Variants in LRRTM4 observed in about 807,000 individuals in gnomAD.
The protein encoded by LRRTM4 is leucine rich repeat transmembrane neuronal 4.
Under a neutral mutation model 47.6 loss-of-function variants are expected in LRRTM4, and 25 were observed. That is an observed-to-expected ratio of 0.53 (90% CI 0.38 to 0.73). The LOEUF (loss-of-function observed/expected upper bound fraction) is 0.73, where lower values mean the gene tolerates loss of function less well. Ranked by LOEUF, LRRTM4 falls within the 30% of genes least tolerant of loss-of-function variation. LRRTM4 has a pLI of 0.00. For missense variants in LRRTM4, 638 were observed against 713.4 expected, an observed-to-expected ratio of 0.89 and a Z score of 1.20; for synonymous variants, 311 against 269.5, an observed-to-expected ratio of 1.15 and a Z score of -1.51.
rs183872403 is a variant in LRRTM4, at chr2:77,235,056, A to G, written c.1551+283262T>C. Among the ~76,000 whole-genome samples, 6 of 152,224 alleles carry G rather than the reference A, an allele frequency of 3.9e-5. No individual in the cohort carries two copies. The East Asian group carries it at 9.7e-4, about 25-fold the overall frequency. On this transcript the variant is annotated intron_variant, in intron 3 of 3. Transcript: ENST00000409884. ...CTGCATCCATATTGCTGCAAAGGATATTATTTTGTTCTTTTACATGGCTGC... is the reference window on the plus strand; with the variant it reads ...CTGCATCCATATTGCTGCAAAGGATGTTATTTTGTTCTTTTACATGGCTGC...
chr2:77,431,000 G>A (rs1003666751), intron 3 of LRRTM4, among the ~76,000 whole-genome samples: 1 of 148,676 alleles, frequency 6.7e-6, no homozygotes, highest in Non-Finnish European at 1.5e-5. Context: ...CCGAACTCTA[G>A]GTTTTCTGGC....
intron 3 of LRRTM4, among the ~76,000 whole-genome samples, chr2:77,303,171 T>C (rs4853310): frequency 0.19 from 28,910 of 151,692 alleles, 3,040 homozygotes; most frequent in East Asian, 0.44. Flanking sequence ...GTCATCTGCT[T>C]AAAACCCGGT....
At chr2:77,043,934 A>T (rs569832092) in intron 3 of LRRTM4, among the ~76,000 whole-genome samples, 1 of 151,760 alleles carries the variant, frequency 6.6e-6, no homozygotes, top group African/African-American at 2.4e-5. Context: ...CCCACATACT[A>T]GAATAGCATA....
chr2:76,809,828 G>A (rs1670674231), intron 3 of LRRTM4, among the ~76,000 whole-genome samples: 1 of 152,100 alleles, frequency 6.6e-6, no homozygotes, highest in Admixed American at 6.6e-5. Context: ...TGGACATGCT[G>A]AGCTTGCTTT....
At chr2:77,216,976 G>A (rs1674461915) in intron 3 of LRRTM4, among the ~76,000 whole-genome samples, 1 of 151,788 alleles carries the variant, frequency 6.6e-6, no homozygotes, top group Non-Finnish European at 1.5e-5. Flanking sequence ...GGGAGGCTGA[G>A]GCAGGAGAAT....
intron 3 of LRRTM4, among the ~76,000 whole-genome samples, chr2:77,184,184 C>T (rs1673435536): frequency 6.6e-6 from 1 of 151,822 alleles, no homozygotes; most frequent in Non-Finnish European, 1.5e-5. Flanking sequence ...AATATTTCAA[C>T]AATATTTTTA....
intron 3 of LRRTM4, among the ~76,000 whole-genome samples, chr2:77,000,788 A>T (rs1677392244): frequency 6.6e-6 from 1 of 150,772 alleles, no homozygotes; most frequent in African/African-American, 2.4e-5. Context: ...CTGCTCTCTC[A>T]TCAGGAAGAT....
chr2:77,410,676 A>G (rs1187448318), intron 3 of LRRTM4, among the ~76,000 whole-genome samples: 1 of 152,168 alleles, frequency 6.6e-6, no homozygotes, highest in Non-Finnish European at 1.5e-5. Context: ...TTGGAAATCA[A>G]CACTATTTTC....
intron 3 of LRRTM4, among the ~76,000 whole-genome samples, chr2:77,495,311 G>A (rs907629754): frequency 6.6e-6 from 1 of 151,956 alleles, no homozygotes; most frequent in African/African-American, 2.4e-5. Context: ...TACTTGATCT[G>A]TCATTTTTAT....
intron 3 of LRRTM4, among the ~76,000 whole-genome samples, chr2:77,197,717 T>C (rs1330356576): frequency 1.3e-5 from 2 of 152,234 alleles, no homozygotes; most frequent in African/African-American, 4.8e-5. Context: ...CCTTCGGTCA[T>C]TCTATCTATA....
At chr2:76,794,458 A>G (rs1327515150) in intron 3 of LRRTM4, among the ~76,000 whole-genome samples, 1 of 152,314 alleles carries the variant, frequency 6.6e-6, no homozygotes, top group Non-Finnish European at 1.5e-5. Flanking sequence ...GTTGTGAACA[A>G]TAGTTTTTTC....
At chr2:76,791,380 C>T (rs1261727227) in intron 3 of LRRTM4, among the ~76,000 whole-genome samples, 1 of 152,046 alleles carries the variant, frequency 6.6e-6, no homozygotes, top group African/African-American at 2.4e-5. Context: ...CAGTGAAAGG[C>T]ATTTTGACTA....
chr2:76,794,309 AGT>A (rs1675140625), intron 3 of LRRTM4, among the ~76,000 whole-genome samples: 1 of 152,234 alleles, frequency 6.6e-6, no homozygotes, highest in Non-Finnish European at 1.5e-5. Context: ...TATCTGCATT[AGT>A]ATGAAAGGAA....
chr2:77,245,124 A>G (rs1166946269), intron 3 of LRRTM4, among the ~76,000 whole-genome samples: 3 of 152,194 alleles, frequency 2.0e-5, no homozygotes, highest in African/African-American at 7.2e-5. Flanking sequence ...TGCTACTGAG[A>G]GAGACAAAAA....
intron 3 of LRRTM4, chr2:77,517,958 C>T: frequency 9.9e-7 from 1 of 1,014,982 alleles, no homozygotes; most frequent in African/African-American, 1.7e-5. Flanking sequence ...TACTCCATTA[C>T]AACAGTCAAA....
At chr2:77,490,393 T>C (rs1035706458) in intron 3 of LRRTM4, among the ~76,000 whole-genome samples, 21 of 152,012 alleles carry the variant, frequency 1.4e-4, no homozygotes, top group Admixed American at 1.2e-3. Context: ...GAGAAAACTA[T>C]TTATAAATTT....
At chr2:77,244,632 G>A (rs1429959894) in intron 3 of LRRTM4, among the ~76,000 whole-genome samples, 2 of 151,810 alleles carry the variant, frequency 1.3e-5, no homozygotes, top group Non-Finnish European at 2.9e-5. Context: ...CCTCCCCCAT[G>A]AGTGTAGGCT....
intron 3 of LRRTM4, among the ~76,000 whole-genome samples, chr2:77,001,706 T>C (rs1195224119): frequency 6.6e-6 from 1 of 152,104 alleles, no homozygotes; most frequent in Non-Finnish European, 1.5e-5. Context: ...TAAAACTCAA[T>C]TGCGAGAGAC....
chr2:77,344,990 T>C (rs1251514218), intron 3 of LRRTM4, among the ~76,000 whole-genome samples: 1 of 151,394 alleles, frequency 6.6e-6, no homozygotes, highest in East Asian at 1.9e-4. Flanking sequence ...AGGGAAATAA[T>C]TATATAAATA....
Sources: gnomAD v4.1 joint callset for allele counts (sites outside exome capture counted in the v4.1 genomes callset) on GRCh38, gnomAD v4.1.1 for gene constraint, MANE v1.5 for transcripts, NCBI Gene and HGNC (gene_info 2026-07-23, HGNC 2026-07-21) for gene names.